Variants in DNAH9 observed in about 807,000 individuals in gnomAD.
The protein encoded by DNAH9 is dynein axonemal heavy chain 9, also known as DNAH9 variant protein.
Under a neutral mutation model 471.6 loss-of-function variants are expected in DNAH9, and 345 were observed. The ratio of observed to expected loss-of-function variants is 0.73; its 90% CI spans 0.67 to 0.80. The LOEUF (loss-of-function observed/expected upper bound fraction) is 0.80, where lower values mean the gene tolerates loss of function less well. Among genes scored for constraint, DNAH9 ranks in the 30% least tolerant of loss-of-function variants. The pLI is 0.00. For missense variants in DNAH9, 5,407 were observed against 5,609.2 expected (o/e 0.96, Z 1.15); for synonymous variants, 2,093 against 2,123.6 (o/e 0.99, Z 0.40).
At chr17:11,827,332 A>G (rs1467494960) in intron 48 of DNAH9, among the ~76,000 whole-genome samples, 3 of 152,188 alleles carry the variant, frequency 2.0e-5, no homozygotes, top group Non-Finnish European at 4.4e-5. Flanking sequence ...TACAGGAAGC[A>G]TTGCACTGGC....
At chr17:11,968,771 G>T (rs990718051) in intron 68 of DNAH9, among the ~76,000 whole-genome samples, 1 of 152,144 alleles carries the variant, frequency 6.6e-6, no homozygotes, top group Non-Finnish European at 1.5e-5. Context: ...GCCTCATCTG[G>T]AAAGCTACAG....
chr17:11,802,087 GT>G (rs1261934162), intron 43 of DNAH9, among the ~76,000 whole-genome samples: 1 of 152,184 alleles, frequency 6.6e-6, no homozygotes, highest in African/African-American at 2.4e-5. Context: ...CCATACATTT[GT>G]TTAAAGACAT....
At chr17:11,829,316 G>T (rs547524306) in intron 48 of DNAH9, among the ~76,000 whole-genome samples, 2 of 152,244 alleles carry the variant, frequency 1.3e-5, no homozygotes, top group South Asian at 4.1e-4. Context: ...TCTGGCGGGA[G>T]GAGGCTAAAT....
rs184044909 is a variant in DNAH9, at chr17:11,727,424, G to T, written c.5710-394G>T. ...CACTCTGGAAAACCTGGGTGGTTGG[G>T]CATAAATTTAAAGATACAGACGTAA... On this transcript the variant is annotated intron_variant, in intron 27 of 68. Transcript: ENST00000262442. 1.3e-4 allele frequency among the ~76,000 whole-genome samples: 20 copies of T among 152,234 alleles called. No homozygotes were observed. The East Asian group carries it at 3.1e-3, about 23-fold the overall frequency.
At chr17:11,712,394 G>A (rs866573602) in intron 26 of DNAH9, among the ~76,000 whole-genome samples, 33 of 151,270 alleles carry the variant, frequency 2.2e-4, no homozygotes, top group African/African-American at 7.6e-4. Context: ...CTGAATGTTT[G>A]TGTACAAGTC....
At chr17:11,684,944 G>T (rs2074212604) in intron 19 of DNAH9, among the ~76,000 whole-genome samples, 1 of 152,166 alleles carries the variant, frequency 6.6e-6, no homozygotes, top group Non-Finnish European at 1.5e-5. Flanking sequence ...CATTCATTCA[G>T]CTTGATCCTG....
chr17:11,640,423 C>T (rs781127312), intron 10 of DNAH9, 39 bp downstream of exon 10: 1 of 1,267,608 alleles, frequency 7.9e-7, no homozygotes, highest in Admixed American at 1.7e-5. Flanking sequence ...TTGTCTTGGG[C>T]TGCTGTTCCT....
intron 59 of DNAH9, among the ~76,000 whole-genome samples, chr17:11,897,936 G>A (rs1973270130): frequency 6.6e-6 from 1 of 152,220 alleles, no homozygotes; most frequent in African/African-American, 2.4e-5. Context: ...GTGTCAGCAG[G>A]GCCGTGCTCC....
Position 11,651,307 on chromosome 17 carries a change from T to C in DNAH9, c.2336T>C (p.Leu779Ser). Residue 779 changes from leucine (L) to serine (S), a missense_variant, in exon 13 of 69, where the codon TTG becomes TCG. Coordinates refer to ENST00000262442, the MANE Select transcript of DNAH9 (RefSeq NM_001372.4). Reference protein sequence around the residue: ...DLRLRAAEETLNWKTEGICDY... With the variant: ...DLRLRAAEETSNWKTEGICDY... ...CGCCTCAGAGCAGCAGAGGAGACTT[T>C]GAACTGGAAAACAGAAGGTAACAGG... 1 of 1,613,240 alleles carries C rather than the reference T, an allele frequency of 6.2e-7. No individual in the cohort carries two copies. The highest frequency in any genetic ancestry group is 8.5e-7 in the Non-Finnish European group (1 of 1,179,694).
chr17:11,798,457 AAG>A (rs1166706295), intron 43 of DNAH9, among the ~76,000 whole-genome samples: 45 of 130,048 alleles, frequency 3.5e-4, no homozygotes, highest in South Asian at 2.2e-3. Context: ...AAAAAAAAAA[AAG>A]AGAGAGAGAG....
chr17:11,830,075 TC>T (rs1970636390), intron 48 of DNAH9, among the ~76,000 whole-genome samples: 1 of 152,198 alleles, frequency 6.6e-6, no homozygotes, highest in Admixed American at 6.5e-5. Flanking sequence ...TGACAAAACA[TC>T]CTGGTGAACT....
At chr17:11,748,028 G>C (rs141275268) in intron 32 of DNAH9, among the ~76,000 whole-genome samples, 9 of 151,988 alleles carry the variant, frequency 5.9e-5, no homozygotes, top group African/African-American at 2.2e-4. Context: ...AAGCTGGCTG[G>C]GCACAGTGGC....
At chr17:11,746,428 G>C (rs1245084631) in intron 31 of DNAH9, among the ~76,000 whole-genome samples, 1 of 152,166 alleles carries the variant, frequency 6.6e-6, no homozygotes, top group Admixed American at 6.5e-5. Flanking sequence ...TACAAATCAG[G>C]TGGAGGAGCA....
In DNAH9 at chr17:11,744,999, G is replaced by C; in HGVS notation, c.6314G>C (p.Arg2105Pro). 1 of 1,614,068 alleles carries C rather than the reference G, an allele frequency of 6.2e-7. No individual in the cohort carries two copies. Among genetic ancestry groups the C allele is most frequent in the Non-Finnish European group, 8.5e-7 (1 of 1,179,952 alleles). Reference protein sequence around the residue: ...GDLFPALDVPRRRDPNFEALV... With the variant: ...GDLFPALDVPPRRDPNFEALV... ...CTCTTTCCCGCCCTGGATGTCCCCC[G>C]GAGGAGAGACCCCAACTTCGAAGCT... Residue 2105 changes from arginine to proline, a missense_variant, in exon 31 of 69, where the codon CGG (arginine) becomes CCG (proline). Transcript: ENST00000262442.
chr17:11,755,967 G>C (rs1967366466), intron 33 of DNAH9, among the ~76,000 whole-genome samples: 1 of 152,144 alleles, frequency 6.6e-6, no homozygotes, highest in Admixed American at 6.5e-5. Flanking sequence ...AGAGCCAAGT[G>C]AAAGGGATTT....
intron 67 of DNAH9, among the ~76,000 whole-genome samples, chr17:11,956,093 A>G (rs1975624766): frequency 6.6e-6 from 1 of 152,208 alleles, no homozygotes; most frequent in Non-Finnish European, 1.5e-5. Context: ...TGATTACCAA[A>G]ACAAAGGACA....
rs1973068881 is a variant in DNAH9, at chr17:11,892,032, C to T, written c.11283+85C>T. On this transcript the variant is annotated intron_variant, in intron 58 of 68. Transcript: ENST00000262442. This position sits in a 1 kb window ranked among gnomAD's most constrained non-coding sequence, Gnocchi z 4.3. ...GTGTTAAGAAACTTTCTTCTTTGAA[C>T]ATCACTTTCCACAGCATGTCCAGAC... 2 of 1,455,326 alleles carry T rather than the reference C, an allele frequency of 1.4e-6. No individual in the cohort carries two copies. Among genetic ancestry groups the T allele is most frequent in the Non-Finnish European group, 1.9e-6 (2 of 1,054,664 alleles). 90.2% of individuals were successfully genotyped at this position (1,455,326 alleles called of 1,614,324 possible).
chr17:11,783,710 C>T lies in DNAH9; in HGVS notation c.7783C>T (p.Pro2595Ser). ...TNVQYVSCMN[P>S]TAGSFTINPR... ...TGTACAGTATGTTTCCTGTATGAAC[C>T]CCACGGCAGGCAGCTTCACCATCAA... Residue 2595 changes from proline (P) to serine (S), a missense_variant, in exon 40 of 69, where the codon CCC (proline) becomes TCC (serine). Physicochemically the swap from Pro to Ser is moderately conservative, Grantham distance 74. Around this residue, in one of 3 missense-constraint regions of DNAH9, gnomAD observed 4,636 missense variants for 4,900.3 expected, o/e 0.95. Coordinates refer to ENST00000262442, the MANE Select transcript of DNAH9 (RefSeq NM_001372.4). The T allele has an allele frequency of 3.1e-6, 5 of 1,614,062 alleles. No homozygotes were observed. The South Asian group carries it at 5.5e-5, about 18-fold the overall frequency.
At chr17:11,826,820 CTTT>C (rs760330537) in intron 48 of DNAH9, among the ~76,000 whole-genome samples, 3 of 102,998 alleles carry the variant, frequency 2.9e-5, no homozygotes, top group African/African-American at 4.0e-5. Flanking sequence ...TCCCTACTTT[CTTT>C]TTTTTTTTTT....
Sources: allele counts gnomAD v4.1 joint callset (sites outside exome capture counted in the v4.1 genomes callset), GRCh38; gene constraint gnomAD v4.1.1; regional missense constraint gnomAD v4.1.1; non-coding constraint Gnocchi (gnomAD v3.1); transcripts MANE v1.5; gene names NCBI Gene and HGNC (gene_info 2026-07-23, HGNC 2026-07-21).